Variants in MDGA2 observed in about 807,000 individuals in gnomAD.
MDGA2 encodes MAM domain-containing glycosylphosphatidylinositol anchor protein 2.
Under a neutral mutation model 117.8 loss-of-function variants are expected in MDGA2, and 40 were observed. The ratio of observed to expected loss-of-function variants is 0.34; its 90% CI spans 0.26 to 0.44. MDGA2 has a LOEUF of 0.44. MDGA2 is among the 20% of genes least tolerant of loss of function. MDGA2 has a pLI of 1.00. For synonymous variants in MDGA2, 452 were observed against 439.0 expected (o/e 1.03, Z -0.37); for missense variants, 1,123 against 1,250.6 (o/e 0.90, Z 1.54).
chr14:47,166,286 G>A (rs980904830), intron 3 of MDGA2, among the ~76,000 whole-genome samples: 19 of 151,814 alleles, frequency 1.3e-4, no homozygotes, highest in Admixed American at 2.6e-4. Context: ...TGCCTGCCTC[G>A]GCCTCCCAAA....
intron 1 of MDGA2, among the ~76,000 whole-genome samples, chr14:47,403,916 T>C (rs909363389): frequency 6.6e-6 from 1 of 152,106 alleles, no homozygotes; most frequent in African/African-American, 2.4e-5. Context: ...GAGATGTATC[T>C]AAAAAGTGGG....
chr14:47,536,932 A>C (rs1207041377), intron 1 of MDGA2, among the ~76,000 whole-genome samples: 1 of 152,340 alleles, frequency 6.6e-6, no homozygotes, highest in South Asian at 2.1e-4. Flanking sequence ...CTTGCCTTAA[A>C]GTTAGCCACA....
Position 47,617,512 on chromosome 14 carries a change from C to G in MDGA2, c.280+57005G>C, listed in dbSNP as rs573690941. 7.9e-5 allele frequency among the ~76,000 whole-genome samples: 12 copies of G among 152,190 alleles called. No individual in the cohort carries two copies. In the South Asian group the frequency reaches 1.2e-3, roughly 16 times the overall value. On this transcript the variant is annotated intron_variant, in intron 1 of 16. Coordinates refer to ENST00000399232, the MANE Select transcript of MDGA2 (RefSeq NM_001113498.3). ...AATCACCGCACCCGGCCTATTAGTC[C>G]TTTTTAAATGAAAAACTGGTGAGCT...
At chr14:47,073,079 G>T (rs1390502293) in intron 6 of MDGA2, among the ~76,000 whole-genome samples, 1 of 152,126 alleles carries the variant, frequency 6.6e-6, no homozygotes, top group Non-Finnish European at 1.5e-5. Context: ...CTCTTCAGAA[G>T]ATGATAAAAA....
intron 15 of MDGA2, among the ~76,000 whole-genome samples, chr14:46,849,935 G>A (rs1880995065): frequency 6.6e-6 from 1 of 151,838 alleles, no homozygotes; most frequent in South Asian, 2.1e-4. Context: ...TGGAGAAAAT[G>A]TGAAAGTTTA....
At chr14:47,016,093 C>A (rs766192150) in intron 8 of MDGA2, among the ~76,000 whole-genome samples, 71 of 152,052 alleles carry the variant, frequency 4.7e-4, no homozygotes, top group Non-Finnish European at 9.3e-4. Context: ...AAACTTATTT[C>A]TTTAATTGTA....
chr14:47,506,552 A>C (rs1016656158), intron 1 of MDGA2, among the ~76,000 whole-genome samples: 2 of 152,208 alleles, frequency 1.3e-5, no homozygotes, highest in Non-Finnish European at 2.9e-5. Flanking sequence ...GCATGTGAGA[A>C]CAATGTGTTA....
At chr14:47,265,102 A>G (rs1887921951) in intron 2 of MDGA2, among the ~76,000 whole-genome samples, 1 of 152,174 alleles carries the variant, frequency 6.6e-6, no homozygotes. Context: ...AATATTCTCA[A>G]CAGGGCAGTT....
intron 7 of MDGA2, among the ~76,000 whole-genome samples, chr14:47,036,168 G>A (rs1264076238): frequency 6.6e-6 from 1 of 150,808 alleles, no homozygotes; most frequent in Non-Finnish European, 1.5e-5. Context: ...TGCTGGGGTG[G>A]CTGAGGCAGG....
chr14:47,013,662 C>A (rs2138545900), intron 8 of MDGA2, among the ~76,000 whole-genome samples: 1 of 150,606 alleles, frequency 6.6e-6, no homozygotes, highest in South Asian at 2.1e-4. Flanking sequence ...TAGTTATAAC[C>A]TTATAAAATG....
intron 6 of MDGA2, among the ~76,000 whole-genome samples, chr14:47,079,758 G>A (rs1358948408): frequency 1.7e-4 from 8 of 46,896 alleles, no homozygotes; most frequent in African/African-American, 8.5e-4. Context: ...TTGAGACAGA[G>A]TCTCGCTCTG....
intron 1 of MDGA2, among the ~76,000 whole-genome samples, chr14:47,422,459 A>C (rs1892599244): frequency 6.6e-6 from 1 of 152,208 alleles, no homozygotes; most frequent in Non-Finnish European, 1.5e-5. Flanking sequence ...CTTCCAAAGA[A>C]TGAGAGAACT....
intron 8 of MDGA2, among the ~76,000 whole-genome samples, chr14:47,031,602 G>T (rs1043140560): frequency 6.6e-6 from 1 of 152,048 alleles, no homozygotes; most frequent in African/African-American, 2.4e-5. Context: ...ATATGGTTTG[G>T]ATCTGTGTCC....
intron 2 of MDGA2, among the ~76,000 whole-genome samples, chr14:47,288,254 T>C (rs768160619): frequency 2.0e-5 from 3 of 152,222 alleles, no homozygotes; most frequent in Non-Finnish European, 4.4e-5. Flanking sequence ...TTCTGTGCAG[T>C]AGCAGACATC....
intron 8 of MDGA2, among the ~76,000 whole-genome samples, chr14:47,020,896 A>G (rs1461725321): frequency 6.6e-6 from 1 of 152,106 alleles, no homozygotes; most frequent in Non-Finnish European, 1.5e-5. Context: ...AAAAAAAAAA[A>G]TTAGAAGCTT....
chr14:47,091,534 C>A (rs565242544), intron 6 of MDGA2, among the ~76,000 whole-genome samples: 2 of 151,922 alleles, frequency 1.3e-5, no homozygotes, highest in African/African-American at 4.8e-5. Flanking sequence ...GCAGAAAGAC[C>A]AATGCGTCTA....
rs1446389637 is a variant in MDGA2, at chr14:47,173,061, G to T, written c.596-28787C>A. Among the ~76,000 whole-genome samples the T allele has an allele frequency of 7.9e-5, 12 of 152,194 alleles. No homozygotes were observed. The East Asian group carries it at 2.1e-3, about 27-fold the overall frequency. ...AGAAAGGGTATCAGTGATGGAAGATGAAATGAATGAAATGAAGCGAGAAGG... is the reference window on the plus strand; with the variant it reads ...AGAAAGGGTATCAGTGATGGAAGATTAAATGAATGAAATGAAGCGAGAAGG... On this transcript the variant is annotated intron_variant, in intron 3 of 16. Transcript: ENST00000399232.
intron 8 of MDGA2, among the ~76,000 whole-genome samples, chr14:47,007,319 C>A (rs996308459): frequency 2.0e-5 from 3 of 151,758 alleles, no homozygotes; most frequent in South Asian, 2.1e-4. Context: ...TGCTGCCCTA[C>A]AATTTTTCAC....
In MDGA2 at chr14:47,540,563, T is replaced by TATATATATACACAC. The variant is rs370481455; in HGVS notation, c.280+133953_280+133954insGTGTGTATATATAT. Among the ~76,000 whole-genome samples, 39 of 112,516 alleles carry TATATATATACACAC rather than the reference T, an allele frequency of 3.5e-4. 1 individual carries two copies. The East Asian group carries it at 7.7e-3, about 22-fold the overall frequency. 73.8% of individuals were successfully genotyped at this position (112,516 alleles called of 152,430 possible). On this transcript the variant is annotated intron_variant, in intron 1 of 16. Coordinates refer to ENST00000399232, the MANE Select transcript of MDGA2 (RefSeq NM_001113498.3). ...GTGTATATATATATATGTATATATA[T>TATATATATACACAC]ACACACACACATAGAGAGAGAGACA...
Sources: gnomAD v4.1 joint callset for allele counts (sites outside exome capture counted in the v4.1 genomes callset) on GRCh38, gnomAD v4.1.1 for gene constraint, MANE v1.5 for transcripts, NCBI Gene and HGNC (gene_info 2026-07-23, HGNC 2026-07-21) for gene names.